The following LRCH1 variants were observed in gnomAD, a reference collection of about 807,000 sequenced individuals.
The protein encoded by LRCH1 is leucine rich repeats and calponin homology domain containing 1.
LRCH1 carries 23 observed loss-of-function variants against 94.9 expected under a neutral mutation model. The observed-to-expected ratio is 0.24, with a 90% CI of 0.17 to 0.34. The LOEUF (loss-of-function observed/expected upper bound fraction) is 0.34. Ranked by LOEUF, LRCH1 falls within the 10% of genes least tolerant of loss-of-function variation. LRCH1 has a pLI of 1.00. For synonymous variants in LRCH1, 364 were observed against 354.9 expected (o/e 1.03, Z -0.29); for missense variants, 790 against 945.9 (o/e 0.84, Z 2.16).
exon 19 of LRCH1, chr13:46,751,809 A>G (rs1012865451): frequency 8.5e-5 from 13 of 152,358 alleles, no homozygotes; most frequent in African/African-American, 3.1e-4. Context: ...AGTATCAGAA[A>G]TTACTTAAGG....
chr13:46,670,191 A>G (rs1179054480), intron 3 of LRCH1, among the ~76,000 whole-genome samples: 1 of 152,246 alleles, frequency 6.6e-6, no homozygotes. Flanking sequence ...CGTTAGAGCT[A>G]TAGAAAGTGT....
chr13:46,688,029 A>G (rs1870711868), intron 6 of LRCH1, 50 bp downstream of exon 6: 1 of 1,542,940 alleles, frequency 6.5e-7, no homozygotes, highest in Non-Finnish European at 8.8e-7. Flanking sequence ...GCCTAGGCCA[A>G]GGCCCTCCAG....
intron 1 of LRCH1, among the ~76,000 whole-genome samples, chr13:46,623,063 C>CATTT (rs2050898856): frequency 6.6e-6 from 1 of 152,076 alleles, no homozygotes; most frequent in Non-Finnish European, 1.5e-5. Context: ...TAAAAGATGC[C>CATTT]AGTCTGTCAT....
chr13:46,695,338 A>G (rs1280667243), intron 9 of LRCH1, among the ~76,000 whole-genome samples: 1 of 152,236 alleles, frequency 6.6e-6, no homozygotes, highest in Non-Finnish European at 1.5e-5. Context: ...TCTTTTCAAC[A>G]TGTTCTAGGT....
intron 11 of LRCH1, among the ~76,000 whole-genome samples, chr13:46,701,961 C>T (rs565325895): frequency 6.6e-6 from 1 of 152,186 alleles, no homozygotes; most frequent in Non-Finnish European, 1.5e-5. Flanking sequence ...GTTAGTGTAT[C>T]CCAGAATGCT....
intron 1 of LRCH1, among the ~76,000 whole-genome samples, chr13:46,586,788 G>A (rs780450661): frequency 1.3e-5 from 2 of 152,234 alleles, no homozygotes; most frequent in Admixed American, 6.5e-5. Flanking sequence ...GTGAGGGGTA[G>A]GCGCCAGGAT....
In LRCH1 at chr13:46,696,790, C is replaced by A. The variant is rs60242255; in HGVS notation, c.1245+1773C>A. On this transcript the variant is annotated intron_variant, in intron 9 of 19. Transcript: ENST00000389797. ...TTTAAGTCTTTCAACCTGTGCTTGGCCTGGCGGAGTGAATCACACCTGTAA... is the reference window on the plus strand; with the variant it reads ...TTTAAGTCTTTCAACCTGTGCTTGGACTGGCGGAGTGAATCACACCTGTAA... 4.8e-3 allele frequency among the ~76,000 whole-genome samples: 727 copies of A among 152,300 alleles called. 7 individuals carry two copies. Among genetic ancestry groups the A allele is most frequent in the African/African-American group, 0.017 (686 of 41,548 alleles).
intron 1 of LRCH1, among the ~76,000 whole-genome samples, chr13:46,612,891 A>C (rs2050762748): frequency 1.3e-5 from 2 of 152,302 alleles, no homozygotes; most frequent in Non-Finnish European, 2.9e-5. Context: ...TTTAAGAAAG[A>C]CAGTCATTTT....
intron 11 of LRCH1, among the ~76,000 whole-genome samples, chr13:46,704,006 TAAA>T (rs1871623952): frequency 6.6e-6 from 1 of 152,150 alleles, no homozygotes; most frequent in Non-Finnish European, 1.5e-5. Context: ...AGCACTATTT[TAAA>T]ATACTATGTT....
chr13:46,661,707 G>T (rs1219765667), intron 2 of LRCH1, among the ~76,000 whole-genome samples: 1 of 152,206 alleles, frequency 6.6e-6, no homozygotes, highest in African/African-American at 2.4e-5. Flanking sequence ...TAATATCCAT[G>T]CATGTTCCAC....
At chr13:46,600,502 G>T (rs930200191) in intron 1 of LRCH1, among the ~76,000 whole-genome samples, 2 of 152,092 alleles carry the variant, frequency 1.3e-5, no homozygotes, top group African/African-American at 4.8e-5. Flanking sequence ...CCCTTTGGCT[G>T]CAGTTATTCA....
intron 1 of LRCH1, among the ~76,000 whole-genome samples, chr13:46,575,510 A>ATGTGTGTGTGTGTGTGTGTGTGTG (rs59582784): frequency 1.4e-5 from 2 of 143,370 alleles, no homozygotes; most frequent in East Asian, 4.2e-4. Context: ...CTGTGCATGA[A>ATGTGTGTGTGTGTGTGTGTGTGTG]TGTGTGTGTG....
At chr13:46,699,237 T>C (rs1293596373) in intron 9 of LRCH1, 99 bp from the exon 10 acceptor site, 11 of 883,694 alleles carry the variant, frequency 1.2e-5, no homozygotes, top group African/African-American at 6.6e-5. Flanking sequence ...CTTTTGGCTA[T>C]TGTGAATAAC....
chr13:46,724,653 A>G (rs748959565), intron 17 of LRCH1, among the ~76,000 whole-genome samples: 3 of 152,206 alleles, frequency 2.0e-5, no homozygotes, highest in Admixed American at 6.5e-5. Context: ...ACATAAATGT[A>G]TGGAAGGTTA....
intron 1 of LRCH1, among the ~76,000 whole-genome samples, chr13:46,573,847 T>A (rs1174312069): frequency 1.3e-5 from 1 of 75,928 alleles, no homozygotes; most frequent in Non-Finnish European, 2.5e-5. Flanking sequence ...TATAGTCAAA[T>A]ATATATATAT....
intron 1 of LRCH1, among the ~76,000 whole-genome samples, chr13:46,615,079 T>G (rs912140569): frequency 6.6e-6 from 1 of 152,214 alleles, no homozygotes; most frequent in Admixed American, 6.5e-5. Flanking sequence ...TGCTGACAAT[T>G]TAGTCTTATT....
chr13:46,701,177 A>C lies in LRCH1; in HGVS notation c.1370A>C (p.Glu457Ala). ...MDIAMIEQLR[E>A]AVDLLQDPNG... ...ATAGCAATGATCGAGCAGCTGAGAGAAGCAGTAGATTTGCTGCAAGATCCC... is the reference window on the plus strand; with the variant it reads ...ATAGCAATGATCGAGCAGCTGAGAGCAGCAGTAGATTTGCTGCAAGATCCC... The change falls in exon 11 of 20, where the codon GAA (glutamate) becomes GCA (alanine). Residue 457 changes from glutamate (E) to alanine (A), a missense_variant. By Grantham distance (107) the Glu-to-Ala change is moderately radical. Transcript: ENST00000389797. 6.2e-7 allele frequency: 1 copy of C among 1,613,872 alleles called. No homozygotes were observed. The highest frequency in any genetic ancestry group is 1.6e-4 in the Middle Eastern group (1 of 6,062).
chr13:46,721,261 AC>A (rs1347806841), intron 16 of LRCH1, among the ~76,000 whole-genome samples: 1 of 152,188 alleles, frequency 6.6e-6, no homozygotes, highest in Non-Finnish European at 1.5e-5. Flanking sequence ...AGATAAGATT[AC>A]CCCCAGAAAA....
intron 1 of LRCH1, among the ~76,000 whole-genome samples, chr13:46,634,313 G>A (rs949382046): frequency 6.6e-6 from 1 of 152,168 alleles, no homozygotes; most frequent in African/African-American, 2.4e-5. Flanking sequence ...CCTCACAAAT[G>A]TCTTCCCTGG....
Sources: allele counts gnomAD v4.1 joint callset (sites outside exome capture counted in the v4.1 genomes callset), GRCh38; gene constraint gnomAD v4.1.1; transcripts MANE v1.5; gene names NCBI Gene and HGNC (gene_info 2026-07-23, HGNC 2026-07-21).